The following ROR2 variants were observed in gnomAD, a reference collection of about 807,000 sequenced individuals.
ROR2 encodes tyrosine-protein kinase transmembrane receptor ROR2.
ROR2 carries 33 observed loss-of-function variants against 74.9 expected under a neutral mutation model. The ratio of observed to expected loss-of-function variants is 0.44; its 90% CI spans 0.33 to 0.59. The LOEUF (loss-of-function observed/expected upper bound fraction) is 0.59, where lower values mean the gene tolerates loss of function less well. Among genes scored for constraint, ROR2 ranks in the 20% least tolerant of loss-of-function variants. ROR2 has a pLI of 0.02. For missense variants in ROR2, 1,216 were observed against 1,313.8 expected, an observed-to-expected ratio of 0.93 and a Z score of 1.15; for synonymous variants, 586 against 558.7, an observed-to-expected ratio of 1.05 and a Z score of -0.69.
chr9:91,794,202 A>G (rs914440303), intron 1 of ROR2, among the ~76,000 whole-genome samples: 1 of 152,262 alleles, frequency 6.6e-6, no homozygotes, highest in Non-Finnish European at 1.5e-5. Context: ...TAATAAAAAT[A>G]CAATAAGGAC....
chr9:91,917,993 C>T (rs982707977), intron 1 of ROR2, among the ~76,000 whole-genome samples: 2 of 152,188 alleles, frequency 1.3e-5, no homozygotes, highest in East Asian at 1.9e-4. Flanking sequence ...GGGCACAGGC[C>T]GGGCGCGGTG....
Position 91,737,458 on chromosome 9 carries a change from G to A in ROR2, c.555C>T (p.Phe185=). 2 of 1,614,180 alleles carry A rather than the reference G, an allele frequency of 1.2e-6. No homozygotes were observed. The highest frequency in any genetic ancestry group is 4.5e-5 in the East Asian group (2 of 44,878). ...CCACATAAATGGTCCGGTTGCCAAT[G>A]AAGCGTGCACAGGCAATTCCCCGGT... is the stretch of plus-strand genomic sequence containing the variant. ...QPYRGIACAR[F]IGNRTIYVDS... Residue 185 remains phenylalanine, a synonymous_variant, in exon 5 of 9, where the codon TTC becomes TTT. Transcript: ENST00000375708.
intron 2 of ROR2, among the ~76,000 whole-genome samples, chr9:91,759,022 T>C (rs1253560736): frequency 2.0e-5 from 3 of 152,262 alleles, no homozygotes; most frequent in Non-Finnish European, 2.9e-5. Flanking sequence ...TCAAAACAGA[T>C]ACATCCATGT....
chr9:91,818,180 G>C (rs1828008295), intron 1 of ROR2, among the ~76,000 whole-genome samples: 1 of 152,148 alleles, frequency 6.6e-6, no homozygotes, highest in Non-Finnish European at 1.5e-5. Flanking sequence ...ACCAACATTT[G>C]TATAGGTTTC....
chr9:91,912,945 A>G (rs1587842226), intron 1 of ROR2, among the ~76,000 whole-genome samples: 1 of 152,226 alleles, frequency 6.6e-6, no homozygotes, highest in Admixed American at 6.5e-5. Flanking sequence ...CCTGCCCAAC[A>G]TGGCGAAACC....
At chr9:91,792,588 A>C (rs60838127) in intron 1 of ROR2, among the ~76,000 whole-genome samples, 2 of 152,092 alleles carry the variant, frequency 1.3e-5, no homozygotes, top group Admixed American at 6.5e-5. Context: ...GATTACAGGC[A>C]TGAGCCATGC....
Position 91,733,309 on chromosome 9 carries a change from C to T in ROR2, c.750G>A (p.Glu250=), listed in dbSNP as rs749883969. The change falls in exon 6 of 9, where the codon GAG becomes GAA. Residue 250 remains glutamate (E), a synonymous_variant. Transcript: ENST00000375708. This position sits in a 1 kb window ranked among gnomAD's most constrained non-coding sequence, Gnocchi z 5.7. ...DARSRTPKPR[E]LCRDECEVLE... ...GCACCTCGCACTCGTCGCGGCACAG[C>T]TCACGCGGCTTGGGTGTCCGGGAGC... The T allele has an allele frequency of 4.3e-6, 7 of 1,612,764 alleles. No homozygotes were observed. Among genetic ancestry groups the T allele is most frequent in the Non-Finnish European group, 5.1e-6 (6 of 1,179,736 alleles).
intron 3 of ROR2, 92 bp downstream of exon 3, chr9:91,757,180 T>C: frequency 6.6e-7 from 1 of 1,512,456 alleles, no homozygotes; most frequent in Non-Finnish European, 9.1e-7. Context: ...CTGACTGGTG[T>C]GTGTTCAGTT....
chr9:91,799,185 G>A (rs1827293525), intron 1 of ROR2, among the ~76,000 whole-genome samples: 1 of 152,110 alleles, frequency 6.6e-6, no homozygotes. Context: ...CCTCTGGAAG[G>A]TATCTTTCCT....
At chr9:91,891,253 T>C (rs1318172959) in intron 1 of ROR2, among the ~76,000 whole-genome samples, 3 of 30,066 alleles carry the variant, frequency 1.0e-4, no homozygotes, top group Non-Finnish European at 1.5e-4. Flanking sequence ...TGTTCCTTTC[T>C]TTTTTTTTTT....
At chr9:91,824,447 C>T (rs1828224144) in intron 1 of ROR2, among the ~76,000 whole-genome samples, 4 of 152,310 alleles carry the variant, frequency 2.6e-5, no homozygotes, top group Admixed American at 6.5e-5. Context: ...AATGTGCACA[C>T]GCCGGGGGCA....
intron 1 of ROR2, among the ~76,000 whole-genome samples, chr9:91,891,287 T>G (rs1830413995): frequency 6.8e-6 from 1 of 147,972 alleles, no homozygotes; most frequent in African/African-American, 2.5e-5. Context: ...TGAGATGGAG[T>G]CTCACTTGTC....
At chr9:91,801,514 G>A (rs1378328394) in intron 1 of ROR2, among the ~76,000 whole-genome samples, 1 of 152,050 alleles carries the variant, frequency 6.6e-6, no homozygotes, top group Non-Finnish European at 1.5e-5. Context: ...TGTATTTTTT[G>A]TAGAGACGGG....
chr9:91,837,198 AGCGAGT>A (rs1227937408), intron 1 of ROR2, among the ~76,000 whole-genome samples: 1 of 152,042 alleles, frequency 6.6e-6, no homozygotes, highest in Non-Finnish European at 1.5e-5. Flanking sequence ...CTGTCGCCCA[AGCGAGT>A]GCAGTGGCGC....
At chr9:91,773,774 TGG>T (rs1826321361) in intron 2 of ROR2, among the ~76,000 whole-genome samples, 1 of 152,168 alleles carries the variant, frequency 6.6e-6, no homozygotes, top group South Asian at 2.1e-4. Context: ...GGGCCCCCAC[TGG>T]GCTTCGCACA....
At position 91,921,938 on chromosome 9, in the gene ROR2, G is replaced by C. The variant is rs1831276376; in HGVS notation, c.97+27929C>G. ...CAAGGTGAGATTGGGCAAAGGATCT[G>C]AATAGACATTTCTCCAAAAAAAAAA... On this transcript the variant is annotated intron_variant, in intron 1 of 8. Coordinates refer to ENST00000375708, the MANE Select transcript of ROR2 (RefSeq NM_004560.4). Among the ~76,000 whole-genome samples the C allele has an allele frequency of 2.3e-5, 3 of 130,950 alleles. No individual in the cohort carries two copies. In the South Asian group the frequency reaches 7.3e-4, roughly 32 times the overall value. 85.9% of individuals were successfully genotyped at this position (130,950 alleles called of 152,430 possible).
chr9:91,844,010 G>GT (rs1208334429), intron 1 of ROR2, among the ~76,000 whole-genome samples: 4 of 152,174 alleles, frequency 2.6e-5, no homozygotes, highest in African/African-American at 7.2e-5. Flanking sequence ...ACTAACGGCC[G>GT]TCCCCACACT....
At chr9:91,938,248 C>T (rs1378737756) in intron 1 of ROR2, among the ~76,000 whole-genome samples, 2 of 152,108 alleles carry the variant, frequency 1.3e-5, no homozygotes, top group African/African-American at 2.4e-5. Flanking sequence ...CTCTTGAGTC[C>T]GGGAGTTGGA....
intron 7 of ROR2, among the ~76,000 whole-genome samples, chr9:91,728,543 G>A (rs1837122812): frequency 6.6e-6 from 1 of 152,162 alleles, no homozygotes; most frequent in African/African-American, 2.4e-5. Flanking sequence ...TGATTCTCCT[G>A]CCTTAGCCTC....
Sources: gnomAD v4.1 joint callset for allele counts (sites outside exome capture counted in the v4.1 genomes callset) on GRCh38, gnomAD v4.1.1 for gene constraint, Gnocchi (gnomAD v3.1) non-coding constraint, MANE v1.5 for transcripts, NCBI Gene and HGNC (gene_info 2026-07-23, HGNC 2026-07-21) for gene names.